The following CNTNAP2 variants were observed in gnomAD, a reference collection of about 807,000 sequenced individuals.
The protein encoded by CNTNAP2 is contactin associated protein 2, also known as contactin-associated protein-like 2.
CNTNAP2 carries 98 observed loss-of-function variants against 155.2 expected under a neutral mutation model. That is an observed-to-expected ratio of 0.63 (90% CI 0.54 to 0.75). The LOEUF is 0.75. Among genes scored for constraint, CNTNAP2 ranks in the 30% least tolerant of loss-of-function variants. CNTNAP2 has a pLI of 0.00. For missense variants in CNTNAP2, 1,727 were observed against 1,688.1 expected (o/e 1.02, Z -0.40); for synonymous variants, 651 against 631.2 (o/e 1.03, Z -0.47).
chr7:147,731,164 G>A lies in CNTNAP2; in HGVS notation c.2098+91858G>A, dbSNP rs186709500. On this transcript the variant is annotated intron_variant, in intron 13 of 23. Transcript: ENST00000361727. Reference sequence around the variant, plus strand: ...AAGTTATCTAGAAGGTCTAGCTAACGTAATTGATGAAGGCAGCTATACTAA... The same window carrying A: ...AAGTTATCTAGAAGGTCTAGCTAACATAATTGATGAAGGCAGCTATACTAA... 6.0e-3 allele frequency among the ~76,000 whole-genome samples: 914 copies of A among 152,250 alleles called. 5 individuals carry two copies. Among genetic ancestry groups the A allele is most frequent in the Admixed American group, 0.011 (171 of 15,280 alleles).
intron 13 of CNTNAP2, among the ~76,000 whole-genome samples, chr7:147,880,256 G>C (rs1243520878): frequency 6.6e-6 from 1 of 152,188 alleles, no homozygotes; most frequent in Non-Finnish European, 1.5e-5. Context: ...AAAAGAAACA[G>C]TGGACAAAGT....
chr7:146,622,084 T>C (rs1485893843), intron 1 of CNTNAP2, among the ~76,000 whole-genome samples: 1 of 151,884 alleles, frequency 6.6e-6, no homozygotes, highest in African/African-American at 2.4e-5. Flanking sequence ...TGAAAAGCAT[T>C]TCTTTATTTT....
chr7:146,795,036 T>C (rs974118748), intron 2 of CNTNAP2, among the ~76,000 whole-genome samples: 1 of 152,162 alleles, frequency 6.6e-6, no homozygotes, highest in Non-Finnish European at 1.5e-5. Context: ...CCCATTGCCT[T>C]TGAAGAGTTT....
intron 13 of CNTNAP2, among the ~76,000 whole-genome samples, chr7:147,694,377 C>G (rs569126856): frequency 1.3e-5 from 2 of 152,160 alleles, no homozygotes; most frequent in Admixed American, 1.3e-4. Flanking sequence ...AGGACATATT[C>G]TCTCTGCTTC....
intron 21 of CNTNAP2, among the ~76,000 whole-genome samples, chr7:148,290,075 A>G (rs572928015): frequency 3.9e-4 from 60 of 152,208 alleles, no homozygotes; most frequent in Non-Finnish European, 7.3e-4. Context: ...TCTTTTCTCA[A>G]TTGATAGAAA....
At chr7:147,821,107 G>T in intron 13 of CNTNAP2, among the ~76,000 whole-genome samples, 1 of 152,100 alleles carries the variant, frequency 6.6e-6, no homozygotes, top group Admixed American at 6.6e-5. Flanking sequence ...ACCTGTGGCA[G>T]GTAGCAGTAT....
chr7:147,229,132 AAGT>A (rs771176900), intron 8 of CNTNAP2, among the ~76,000 whole-genome samples: 2 of 152,164 alleles, frequency 1.3e-5, no homozygotes, highest in Admixed American at 6.5e-5. Flanking sequence ...CACTGGTTAA[AAGT>A]AGCCCATTTG....
At chr7:147,047,338 G>T (rs1297767966) in intron 4 of CNTNAP2, among the ~76,000 whole-genome samples, 3 of 149,088 alleles carry the variant, frequency 2.0e-5, no homozygotes, top group Non-Finnish European at 3.0e-5. Context: ...AGCCAGGATG[G>T]TCTTGATTTG....
intron 13 of CNTNAP2, among the ~76,000 whole-genome samples, chr7:147,669,845 C>T (rs111646307): frequency 2.6e-5 from 4 of 152,302 alleles, no homozygotes; most frequent in Non-Finnish European, 2.9e-5. Flanking sequence ...AATATTTATT[C>T]GCTACCATAA....
At chr7:147,404,406 T>G (rs2116474133) in intron 10 of CNTNAP2, among the ~76,000 whole-genome samples, 1 of 152,294 alleles carries the variant, frequency 6.6e-6, no homozygotes, top group African/African-American at 2.4e-5. Flanking sequence ...TAGAAAAACG[T>G]CAGTTTTCTC....
At chr7:147,029,043 A>C (rs1322361175) in intron 3 of CNTNAP2, among the ~76,000 whole-genome samples, 1 of 141,896 alleles carries the variant, frequency 7.0e-6, no homozygotes, top group Non-Finnish European at 1.5e-5. Context: ...GGCTCACTGC[A>C]AGCTCCGCCT....
chr7:147,386,502 C>G (rs927818992), intron 9 of CNTNAP2, among the ~76,000 whole-genome samples: 2 of 152,120 alleles, frequency 1.3e-5, no homozygotes, highest in Non-Finnish European at 2.9e-5. Context: ...ATCTGAAGTT[C>G]GAAGTTTCAC....
intron 12 of CNTNAP2, among the ~76,000 whole-genome samples, chr7:147,609,318 T>C (rs1461597909): frequency 6.6e-6 from 1 of 151,954 alleles, no homozygotes; most frequent in Non-Finnish European, 1.5e-5. Context: ...GACCACGAGG[T>C]CAGGAGATTG....
intron 8 of CNTNAP2, among the ~76,000 whole-genome samples, chr7:147,228,680 A>G (rs979048648): frequency 1.3e-5 from 2 of 152,256 alleles, no homozygotes; most frequent in East Asian, 3.9e-4. Context: ...ATTATACTTT[A>G]AGTTCTGGGA....
At chr7:148,233,758 A>C (rs1430232591) in intron 20 of CNTNAP2, among the ~76,000 whole-genome samples, 3 of 152,158 alleles carry the variant, frequency 2.0e-5, no homozygotes, top group Non-Finnish European at 4.4e-5. Flanking sequence ...TTCCCATCTG[A>C]TGTGTTTTGG....
chr7:147,712,418 A>G (rs1449025860), intron 13 of CNTNAP2, among the ~76,000 whole-genome samples: 2 of 152,194 alleles, frequency 1.3e-5, no homozygotes. Context: ...AGGATTATAA[A>G]TCATACTGCT....
rs1563046201 is a variant in CNTNAP2 at position 148,331,778 on chromosome 7, G to GGAATGGACGGATGGGGTA, written c.3476-51869_3476-51868insATGGACGGATGGGGTAGA. Reference sequence around the variant, plus strand: ...GACGGATGGATTGGATGGATGGAATGGACAGATGGAGTGGATGGATAGAAT... The same window carrying GGAATGGACGGATGGGGTA: ...GACGGATGGATTGGATGGATGGAATGGAATGGACGGATGGGGTAGACAGATGGAGTGGATGGATAGAAT... On this transcript the variant is annotated intron_variant, in intron 21 of 23. Transcript: ENST00000361727. Among the ~76,000 whole-genome samples, 11 of 138,542 alleles carry GGAATGGACGGATGGGGTA rather than the reference G, an allele frequency of 7.9e-5. 2 individuals carry two copies. The highest frequency in any genetic ancestry group is 7.6e-4 in the South Asian group (3 of 3,956). 90.9% of individuals were successfully genotyped at this position (138,542 alleles called of 152,430 possible). A position where few individuals can be genotyped will look rare whatever the true frequency, so the allele number is the denominator to read the frequency against.
intron 1 of CNTNAP2, among the ~76,000 whole-genome samples, chr7:146,461,762 CA>C (rs1228681800): frequency 6.6e-6 from 1 of 152,026 alleles, no homozygotes; most frequent in Non-Finnish European, 1.5e-5. Flanking sequence ...TTGGGATAGA[CA>C]ACTTAAATAC....
chr7:146,473,590 C>T (rs969240670), intron 1 of CNTNAP2, among the ~76,000 whole-genome samples: 4 of 152,158 alleles, frequency 2.6e-5, no homozygotes, highest in Admixed American at 1.3e-4. Flanking sequence ...TTGTGGTTTA[C>T]TGAAGAAAAT....
Sources: allele counts gnomAD v4.1 joint callset (sites outside exome capture counted in the v4.1 genomes callset), GRCh38; gene constraint gnomAD v4.1.1; transcripts MANE v1.5; gene names NCBI Gene and HGNC (gene_info 2026-07-23, HGNC 2026-07-21).